The following MICAL2 variants were observed in gnomAD, a reference collection of about 807,000 sequenced individuals.
MICAL2 encodes microtubule associated monooxygenase, calponin and LIM domain containing 2.
MICAL2 carries 77 observed loss-of-function variants against 127.3 expected under a neutral mutation model. That is an observed-to-expected ratio of 0.60 (90% CI 0.50 to 0.73). The LOEUF (loss-of-function observed/expected upper bound fraction) is 0.73, where lower values mean the gene tolerates loss of function less well. Ranked by LOEUF, MICAL2 falls within the 30% of genes least tolerant of loss-of-function variation. The probability of loss-of-function intolerance (pLI) is 0.00; values close to 1 mark genes in which losing one functional copy is unlikely to be tolerated. For missense variants in MICAL2, 1,351 were observed against 1,434.4 expected (o/e 0.94, Z 0.94); for synonymous variants, 570 against 551.1 (o/e 1.03, Z -0.48).
intron 29 of MICAL2, among the ~76,000 whole-genome samples, chr11:12,309,732 T>C (rs529043525): frequency 3.3e-5 from 5 of 152,282 alleles, no homozygotes; most frequent in African/African-American, 1.2e-4. Context: ...GTTTTTAGTT[T>C]TTTGAGAAAC....
intron 3 of MICAL2, among the ~76,000 whole-genome samples, chr11:12,180,770 T>TTAGTATC (rs11280664): frequency 0.68 from 102,102 of 150,390 alleles, 34,792 homozygotes; most frequent in South Asian, 0.81. Context: ...GTCCTAGACT[T>TTAGTATC]TAGTTGCTCA....
At chr11:12,222,353 C>A (rs1856917410) in intron 10 of MICAL2, among the ~76,000 whole-genome samples, 1 of 152,216 alleles carries the variant, frequency 6.6e-6, no homozygotes. Context: ...GGCCACCGTG[C>A]TGCCAGCCCT....
intron 8 of MICAL2, among the ~76,000 whole-genome samples, chr11:12,218,532 G>C (rs1856456720): frequency 6.6e-6 from 1 of 152,132 alleles, no homozygotes; most frequent in Admixed American, 6.5e-5. Flanking sequence ...GGGATGCTTG[G>C]GTCATATTTT....
chr11:12,239,356 A>G, intron 16 of MICAL2, 80 bp from the exon 17 acceptor site: 1 of 1,592,766 alleles, frequency 6.3e-7, no homozygotes, highest in Non-Finnish European at 8.6e-7. Context: ...AGCTAGTCCC[A>G]CGTCCTGAGT....
Position 12,162,182 on chromosome 11 carries a change from G to A in MICAL2, c.27G>A (p.Gln9=), listed in dbSNP as rs1280103400. The change falls in exon 3 of 28, where the codon CAG becomes CAA. Residue 9 remains glutamine (Q), a synonymous_variant. Transcript: ENST00000683283. ...TGGGGGAAAACGAGGATGAGAAGCA[G>A]GCCCAGGCGGGGCAGGTTTTTGAGA... MGENEDEK[Q]AQAGQVFENF... The A allele has an allele frequency of 6.2e-7, 1 of 1,614,166 alleles. No homozygotes were observed.
intron 29 of MICAL2, among the ~76,000 whole-genome samples, chr11:12,300,191 G>A (rs1400842593): frequency 1.3e-5 from 2 of 152,152 alleles, no homozygotes. Context: ...CTACTTGGGT[G>A]GTTGAGGCAG....
intron 3 of MICAL2, among the ~76,000 whole-genome samples, chr11:12,167,691 A>G (rs1275270555): frequency 1.3e-5 from 2 of 152,196 alleles, no homozygotes; most frequent in African/African-American, 4.8e-5. Flanking sequence ...AAAGCTTAAA[A>G]GAACTCTGGA....
intron 2 of MICAL2, among the ~76,000 whole-genome samples, chr11:12,158,450 T>G (rs929779544): frequency 9.9e-5 from 15 of 151,802 alleles, no homozygotes; most frequent in Non-Finnish European, 2.9e-5. Context: ...GCCCTCTGCA[T>G]CCATTGGTCC....
rs1406485277 is a variant in MICAL2 at position 12,244,083 on chromosome 11, A to G, written c.2755A>G (p.Thr919Ala). 1 of 1,613,970 alleles carries G rather than the reference A, an allele frequency of 6.2e-7. No homozygotes were observed. Reference sequence around the variant, plus strand: ...TCCAGCTGCTTCTTCCTCTCCATCAACTGTTGACTCTGCTTCTCCTGCCAG... The same window carrying G: ...TCCAGCTGCTTCTTCCTCTCCATCAGCTGTTGACTCTGCTTCTCCTGCCAG... Reference protein sequence around the residue: ...PDPAASSSPSTVDSASPARKE... With the variant: ...PDPAASSSPSAVDSASPARKE... Residue 919 changes from threonine to alanine, a missense_variant, in exon 21 of 28, where the codon ACT becomes GCT. Around this residue, in one of 2 missense-constraint regions of MICAL2, gnomAD observed 752 missense variants for 719.4 expected, o/e 1.05. Coordinates refer to ENST00000683283, the MANE Select transcript of MICAL2 (RefSeq NM_001282663.2).
chr11:12,180,588 A>G (rs1857337913), intron 3 of MICAL2, among the ~76,000 whole-genome samples: 2 of 152,166 alleles, frequency 1.3e-5, no homozygotes, highest in Non-Finnish European at 2.9e-5. Context: ...TTACAGAGGA[A>G]TTTTGCATTG....
downstream of MICAL2, chr11:12,294,917 T>C (rs1432870642): frequency 4.3e-6 from 6 of 1,398,050 alleles, no homozygotes; most frequent in East Asian, 1.5e-4. Flanking sequence ...GTAATCTTCA[T>C]TGCATCGACA....
intron 2 of MICAL2, among the ~76,000 whole-genome samples, chr11:12,286,444 T>C (rs1280023123): frequency 6.6e-6 from 1 of 152,224 alleles, no homozygotes; most frequent in Non-Finnish European, 1.5e-5. Context: ...TATGTACACA[T>C]GCATGTATAA....
At chr11:12,248,911 AG>A (rs1404538010) in intron 21 of MICAL2, among the ~76,000 whole-genome samples, 1 of 152,186 alleles carries the variant, frequency 6.6e-6, no homozygotes, top group Non-Finnish European at 1.5e-5. Flanking sequence ...GTGTGGAAGA[AG>A]GATATGAGTT....
chr11:12,120,572 G>T (rs1157349061), intron 1 of MICAL2, among the ~76,000 whole-genome samples: 2 of 152,240 alleles, frequency 1.3e-5, no homozygotes, highest in Non-Finnish European at 2.9e-5. Context: ...GGGGAACCAG[G>T]GGAGGCTTCC....
intron 29 of MICAL2, among the ~76,000 whole-genome samples, chr11:12,313,052 C>T (rs1864191854): frequency 6.6e-6 from 1 of 151,224 alleles, no homozygotes; most frequent in Non-Finnish European, 1.5e-5. Flanking sequence ...CCTGTAGTCC[C>T]GGCTACTGGG....
At chr11:12,222,863 C>A in intron 11 of MICAL2, 120 bp downstream of exon 11, 2 of 1,299,294 alleles carry the variant, frequency 1.5e-6, no homozygotes, top group Admixed American at 2.3e-5. Flanking sequence ...CCAAGGCCTG[C>A]TGGCCTAATG....
At chr11:12,200,225 C>T (rs946173156) in intron 3 of MICAL2, among the ~76,000 whole-genome samples, 2 of 152,180 alleles carry the variant, frequency 1.3e-5, no homozygotes, top group Admixed American at 6.5e-5. Flanking sequence ...TCTGGGGAAG[C>T]AGAAAGGACA....
intron 12 of MICAL2, 46 bp from the exon 13 acceptor site, chr11:12,224,627 G>A (rs867364983): frequency 3.8e-6 from 6 of 1,595,732 alleles, no homozygotes; most frequent in Non-Finnish European, 2.6e-6. Flanking sequence ...GGCAGACCGT[G>A]TGAGATTCCT....
intron 3 of MICAL2, among the ~76,000 whole-genome samples, chr11:12,175,515 T>C (rs1195674908): frequency 6.6e-6 from 1 of 152,048 alleles, no homozygotes; most frequent in Non-Finnish European, 1.5e-5. Context: ...CCTTGTCCTC[T>C]TGGAGTTTAT....
Sources: allele counts gnomAD v4.1 joint callset (sites outside exome capture counted in the v4.1 genomes callset), GRCh38; gene constraint gnomAD v4.1.1; regional missense constraint gnomAD v4.1.1; transcripts MANE v1.5; gene names NCBI Gene and HGNC (gene_info 2026-07-23, HGNC 2026-07-21).